ZNF521: variants seen among roughly 807,000 people sequenced by gnomAD.
ZNF521 encodes zinc finger protein 521.
Under a neutral mutation model 105.5 loss-of-function variants are expected in ZNF521, and 14 were observed. That is an observed-to-expected ratio of 0.13 (90% CI 0.09 to 0.21). The LOEUF (loss-of-function observed/expected upper bound fraction) is 0.21, where lower values mean the gene tolerates loss of function less well. ZNF521 is among the 10% of genes least tolerant of loss of function. ZNF521 has a pLI of 1.00. For missense variants in ZNF521, 1,233 were observed against 1,629.7 expected, an observed-to-expected ratio of 0.76 and a Z score of 4.19; for synonymous variants, 635 against 606.0, an observed-to-expected ratio of 1.05 and a Z score of -0.70.
chr18:25,258,265 G>C (rs1908659988), intron 3 of ZNF521, among the ~76,000 whole-genome samples: 1 of 152,110 alleles, frequency 6.6e-6, no homozygotes, highest in Non-Finnish European at 1.5e-5. Flanking sequence ...TATCACTGGA[G>C]AATTGCTTTT....
At chr18:25,326,556 T>G (rs750606235) in intron 2 of ZNF521, among the ~76,000 whole-genome samples, 2 of 152,224 alleles carry the variant, frequency 1.3e-5, no homozygotes, top group Non-Finnish European at 2.9e-5. Context: ...AACTTGGTAC[T>G]CTATAAAAAG....
chr18:25,153,820 A>G (rs2035093330), intron 5 of ZNF521, among the ~76,000 whole-genome samples: 1 of 152,064 alleles, frequency 6.6e-6, no homozygotes, highest in Non-Finnish European at 1.5e-5. Context: ...CCTCTCCAAC[A>G]TGCCTTTGCA....
chr18:25,167,228 T>C (rs1293184737), intron 5 of ZNF521, among the ~76,000 whole-genome samples: 1 of 152,186 alleles, frequency 6.6e-6, no homozygotes, highest in Non-Finnish European at 1.5e-5. Context: ...TTTTACAGAT[T>C]CACATTCACA....
chr18:25,197,418 G>A (rs1334848366), intron 4 of ZNF521, among the ~76,000 whole-genome samples: 1 of 151,794 alleles, frequency 6.6e-6, no homozygotes, highest in Non-Finnish European at 1.5e-5. Context: ...TCTTTTTAAA[G>A]CCATGATGTA....
chr18:25,249,654 G>GT (rs2039594284), intron 3 of ZNF521, among the ~76,000 whole-genome samples: 2 of 152,052 alleles, frequency 1.3e-5, no homozygotes, highest in South Asian at 4.2e-4. Flanking sequence ...TAGAGATGGG[G>GT]TTTTGCCATG....
Position 25,344,195 on chromosome 18 carries a change from GT to G in ZNF521, c.40+6711del, listed in dbSNP as rs958921233. On this transcript the variant is annotated intron_variant, in intron 2 of 7. Coordinates refer to ENST00000361524, the MANE Select transcript of ZNF521 (RefSeq NM_015461.3). ...AAAGCCCAAGGTGCCTAAAATTAAA[GT>G]TTTTTATTAAAAAAAAAAAAAAAGC... Among the ~76,000 whole-genome samples the G allele has an allele frequency of 2.8e-5, 3 of 108,796 alleles. No individual in the cohort carries two copies. The South Asian group carries it at 9.9e-4, about 36-fold the overall frequency. The allele number at this position is 108,796 out of a possible 152,430, so 71.4% of individuals were successfully genotyped here.
At chr18:25,164,484 C>T (rs943915827) in intron 5 of ZNF521, among the ~76,000 whole-genome samples, 5 of 152,224 alleles carry the variant, frequency 3.3e-5, no homozygotes, top group Non-Finnish European at 5.9e-5. Context: ...ATTTTGACCA[C>T]ATTTTTGCAC....
Position 25,258,998 on chromosome 18 carries a change from G to A in ZNF521, c.221-31301C>T, listed in dbSNP as rs141474531. Among the ~76,000 whole-genome samples, 491 of 152,258 alleles carry A rather than the reference G, an allele frequency of 3.2e-3. 2 individuals carry two copies. The highest frequency in any genetic ancestry group is 0.012 in the African/African-American group (479 of 41,542). ...ATTTACACTTCACAAAAACCTGTGAGCTTTCACAGATGAGAGAACCAAGAC... is the reference window on the plus strand; with the variant it reads ...ATTTACACTTCACAAAAACCTGTGAACTTTCACAGATGAGAGAACCAAGAC... On this transcript the variant is annotated intron_variant, in intron 3 of 7. Transcript: ENST00000361524.
intron 5 of ZNF521, among the ~76,000 whole-genome samples, chr18:25,117,014 CACACAT>C (rs2034334416): frequency 4.2e-5 from 4 of 95,882 alleles, no homozygotes; most frequent in Admixed American, 2.1e-4. Context: ...CATACACACA[CACACAT>C]ATATATATAC....
At chr18:25,265,596 A>G (rs1246877140) in intron 3 of ZNF521, among the ~76,000 whole-genome samples, 1 of 152,206 alleles carries the variant, frequency 6.6e-6, no homozygotes, top group Non-Finnish European at 1.5e-5. Context: ...CAGCACTGAA[A>G]GGAAAACAAT....
chr18:25,290,898 A>AATGG (rs937806986), intron 3 of ZNF521, among the ~76,000 whole-genome samples: 15 of 152,118 alleles, frequency 9.9e-5, no homozygotes, highest in African/African-American at 1.2e-4. Context: ...TAAATGAATT[A>AATGG]ATGGATGGAT....
intron 3 of ZNF521, among the ~76,000 whole-genome samples, chr18:25,283,057 T>C (rs367824234): frequency 8.5e-5 from 13 of 152,366 alleles, no homozygotes; most frequent in South Asian, 2.1e-4. Flanking sequence ...AGGAAGCAGC[T>C]GGTACCTCTT....
intron 5 of ZNF521, among the ~76,000 whole-genome samples, chr18:25,173,586 T>C (rs1370668486): frequency 2.0e-5 from 3 of 152,224 alleles, no homozygotes; most frequent in Non-Finnish European, 4.4e-5. Flanking sequence ...TATGTGGATG[T>C]TTTTATGAAT....
rs763741480 is a variant in ZNF521, at chr18:25,226,468, C to T, written c.1450G>A (p.Glu484Lys). The T allele has an allele frequency of 4.4e-5, 71 of 1,614,018 alleles. No individual in the cohort carries two copies. The highest frequency in any genetic ancestry group is 1.8e-4 in the Admixed American group (11 of 60,006). Reference protein sequence around the residue: ...AIVYQCNFCSEVVNDLNTLQE... With the variant: ...AIVYQCNFCSKVVNDLNTLQE... ...AGAGTGTTGAGGTCGTTGACAACTT[C>T]GGAACAGAAGTTACACTGGTAGACA... Residue 484 changes from glutamate (E) to lysine (K), a missense_variant, in exon 4 of 8, where the codon GAA becomes AAA. Glu to Lys is a moderately conservative substitution (Grantham distance 56). Coordinates refer to ENST00000361524, the MANE Select transcript of ZNF521 (RefSeq NM_015461.3). This position sits in a 1 kb window ranked among gnomAD's most constrained non-coding sequence, Gnocchi z 4.1.
intron 3 of ZNF521, among the ~76,000 whole-genome samples, chr18:25,305,457 AG>A (rs36024531): frequency 8.8e-4 from 134 of 152,298 alleles, no homozygotes; most frequent in Non-Finnish European, 1.4e-3. Context: ...AACTGATGAC[AG>A]GGCCTTAATT....
chr18:25,333,584 T>G lies in ZNF521; in HGVS notation c.41-11397A>C, dbSNP rs543477509. On this transcript the variant is annotated intron_variant, in intron 2 of 7. Transcript: ENST00000361524. ...CTAGGATGTCAGAATTGGAGTAATTTTTTTCAGAAACAGTGACAGGTCATG... is the reference window on the plus strand; with the variant it reads ...CTAGGATGTCAGAATTGGAGTAATTGTTTTCAGAAACAGTGACAGGTCATG... Among the ~76,000 whole-genome samples the G allele has an allele frequency of 3.4e-4, 51 of 152,154 alleles. No individual in the cohort carries two copies. In the South Asian group the frequency reaches 0.01, roughly 31 times the overall value.
chr18:25,087,056 C>T (rs1056319680), intron 7 of ZNF521, among the ~76,000 whole-genome samples: 4 of 152,174 alleles, frequency 2.6e-5, no homozygotes, highest in African/African-American at 9.6e-5. Flanking sequence ...TATGTGATGA[C>T]ATCATCTCTC....
chr18:25,101,963 T>C (rs970658532), intron 5 of ZNF521, among the ~76,000 whole-genome samples: 2 of 152,150 alleles, frequency 1.3e-5, no homozygotes, highest in African/African-American at 2.4e-5. Flanking sequence ...GTTACAACTA[T>C]AAGGTGTCAA....
intron 3 of ZNF521, among the ~76,000 whole-genome samples, chr18:25,243,148 T>C (rs945308585): frequency 7.9e-5 from 12 of 152,220 alleles, no homozygotes; most frequent in African/African-American, 1.2e-4. Flanking sequence ...TTTTCCCTTA[T>C]GGTTAAGTTT....
Sources: allele counts gnomAD v4.1 joint callset (sites outside exome capture counted in the v4.1 genomes callset), GRCh38; gene constraint gnomAD v4.1.1; non-coding constraint Gnocchi (gnomAD v3.1); transcripts MANE v1.5; gene names NCBI Gene and HGNC (gene_info 2026-07-23, HGNC 2026-07-21).